Variants in THSD7B observed in about 807,000 individuals in gnomAD.
THSD7B encodes the protein thrombospondin type-1 domain-containing protein 7B.
Under a neutral mutation model 213.6 loss-of-function variants are expected in THSD7B, and 138 were observed. The ratio of observed to expected loss-of-function variants is 0.65; its 90% CI spans 0.56 to 0.74. The LOEUF (loss-of-function observed/expected upper bound fraction) is 0.74, where lower values mean the gene tolerates loss of function less well. Among genes scored for constraint, THSD7B ranks in the 30% least tolerant of loss-of-function variants. The pLI is 0.00. For missense variants in THSD7B, 1,931 were observed against 1,991.5 expected (o/e 0.97, Z 0.58); for synonymous variants, 742 against 687.0 (o/e 1.08, Z -1.25).
chr2:137,347,756 T>G (rs1352461414), intron 12 of THSD7B, among the ~76,000 whole-genome samples: 1 of 151,454 alleles, frequency 6.6e-6, no homozygotes, highest in Non-Finnish European at 1.5e-5. Context: ...TGCTCAAATT[T>G]TTTCAACTTC....
At position 137,586,390 on chromosome 2, in the gene THSD7B, G is replaced by A. The variant is rs1458108701; in HGVS notation, c.3423+13834G>A. On this transcript the variant is annotated intron_variant, in intron 17 of 27. Coordinates refer to ENST00000409968, the MANE Select transcript of THSD7B (RefSeq NM_001316349.2). ...TGATCCTGTCATTATGATGCTAGCT[G>A]GTTATTTTGCCCATTAGTTGATGCA... Among the ~76,000 whole-genome samples, 3 of 152,204 alleles carry A rather than the reference G, an allele frequency of 2.0e-5. No individual in the cohort carries two copies. In the East Asian group the frequency reaches 5.8e-4, roughly 29 times the overall value.
chr2:137,290,546 C>T (rs1299863500), intron 12 of THSD7B, among the ~76,000 whole-genome samples: 1 of 152,066 alleles, frequency 6.6e-6, no homozygotes, highest in Non-Finnish European at 1.5e-5. Context: ...TGAGCTTCTC[C>T]TTTTGTGATT....
intron 3 of THSD7B, among the ~76,000 whole-genome samples, chr2:137,081,810 G>A (rs577584014): frequency 1.3e-4 from 20 of 152,062 alleles, no homozygotes; most frequent in South Asian, 1.0e-3. Context: ...CATGAATAAG[G>A]TTTCTATTTC....
intron 12 of THSD7B, among the ~76,000 whole-genome samples, chr2:137,334,307 T>A (rs2104898516): frequency 6.6e-6 from 1 of 152,292 alleles, no homozygotes; most frequent in Non-Finnish European, 1.5e-5. Context: ...ACCATCACTG[T>A]TCTTTTCCTC....
intron 2 of THSD7B, among the ~76,000 whole-genome samples, chr2:136,907,885 T>A (rs1684192334): frequency 6.6e-6 from 1 of 152,246 alleles, no homozygotes; most frequent in African/African-American, 2.4e-5. Context: ...AGTAGGATGT[T>A]GCTTTCAGTG....
At chr2:137,440,264 T>C (rs1173886632) in intron 14 of THSD7B, among the ~76,000 whole-genome samples, 1 of 152,136 alleles carries the variant, frequency 6.6e-6, no homozygotes, top group African/African-American at 2.4e-5. Context: ...TTTTTCATTA[T>C]ATAATTTCCA....
At chr2:137,354,027 A>G (rs1685071340) in intron 12 of THSD7B, among the ~76,000 whole-genome samples, 1 of 152,034 alleles carries the variant, frequency 6.6e-6, no homozygotes, top group South Asian at 2.1e-4. Flanking sequence ...TCCCAGACTA[A>G]TCCTGTTTGT....
At chr2:137,201,101 G>A (rs1680867375) in intron 7 of THSD7B, among the ~76,000 whole-genome samples, 1 of 152,176 alleles carries the variant, frequency 6.6e-6, no homozygotes, top group Non-Finnish European at 1.5e-5. Context: ...AAATATATGT[G>A]TGGTTCATTC....
chr2:137,499,126 G>A (rs1679643396), intron 15 of THSD7B, among the ~76,000 whole-genome samples: 1 of 152,168 alleles, frequency 6.6e-6, no homozygotes, highest in African/African-American at 2.4e-5. Context: ...AGAAGGGTAA[G>A]TGTGGTAGTC....
intron 15 of THSD7B, among the ~76,000 whole-genome samples, chr2:137,512,756 T>A (rs915170990): frequency 1.3e-5 from 2 of 152,136 alleles, no homozygotes; most frequent in Admixed American, 1.3e-4. Flanking sequence ...ATATAAAGAT[T>A]AACTTATGTA....
At chr2:137,458,043 GAAAA>G (rs1687797696) in intron 15 of THSD7B, among the ~76,000 whole-genome samples, 1 of 142,416 alleles carries the variant, frequency 7.0e-6, no homozygotes. Context: ...TTAAGATTAG[GAAAA>G]AAACAAAAAA....
At chr2:137,487,104 C>A (rs1281138094) in intron 15 of THSD7B, among the ~76,000 whole-genome samples, 2 of 150,228 alleles carry the variant, frequency 1.3e-5, no homozygotes, top group Non-Finnish European at 2.9e-5. Context: ...CGCGGTGGCT[C>A]ACGCCTGTAA....
At chr2:137,083,829 A>G (rs1310384439) in intron 3 of THSD7B, among the ~76,000 whole-genome samples, 2 of 152,272 alleles carry the variant, frequency 1.3e-5, no homozygotes, top group East Asian at 1.9e-4. Context: ...AGCTGCTGCC[A>G]TATGGATAGC....
intron 5 of THSD7B, among the ~76,000 whole-genome samples, chr2:137,121,743 A>G (rs1169597341): frequency 6.6e-6 from 1 of 152,312 alleles, no homozygotes; most frequent in East Asian, 1.9e-4. Flanking sequence ...AAGTGTCAAT[A>G]CTCTTCATGT....
chr2:137,333,885 G>A (rs1227778436), intron 12 of THSD7B, among the ~76,000 whole-genome samples: 1 of 152,180 alleles, frequency 6.6e-6, no homozygotes, highest in Non-Finnish European at 1.5e-5. Context: ...AGAGGAGGTT[G>A]AGTGGAAAAG....
intron 1 of THSD7B, among the ~76,000 whole-genome samples, chr2:136,784,782 A>G (rs1681809954): frequency 6.6e-6 from 1 of 152,186 alleles, no homozygotes; most frequent in Admixed American, 6.5e-5. Context: ...TTTTCAAGGC[A>G]AGTTACAGTG....
At chr2:136,812,754 T>G (rs1267310067) in intron 1 of THSD7B, among the ~76,000 whole-genome samples, 1 of 152,200 alleles carries the variant, frequency 6.6e-6, no homozygotes, top group Non-Finnish European at 1.5e-5. Context: ...TGCCTCACTT[T>G]GTTGTCACCA....
chr2:137,493,671 G>A (rs1157439787), intron 15 of THSD7B, among the ~76,000 whole-genome samples: 6 of 152,226 alleles, frequency 3.9e-5, no homozygotes, highest in Non-Finnish European at 8.8e-5. Context: ...GCAGATATAA[G>A]CCAAGTTGCT....
At chr2:137,582,127 T>A (rs1353652977) in intron 17 of THSD7B, among the ~76,000 whole-genome samples, 1 of 141,908 alleles carries the variant, frequency 7.0e-6, no homozygotes, top group East Asian at 2.1e-4. Context: ...TATAGATAAA[T>A]AAAAATAAAT....
Sources: gnomAD v4.1 joint callset for allele counts (sites outside exome capture counted in the v4.1 genomes callset) on GRCh38, gnomAD v4.1.1 for gene constraint, MANE v1.5 for transcripts, NCBI Gene and HGNC (gene_info 2026-07-23, HGNC 2026-07-21) for gene names.